NALF1: variants seen among roughly 807,000 people sequenced by gnomAD.
The protein encoded by NALF1 is NALCN channel auxiliary factor 1, also known as family with sequence similarity 155 member A.
NALF1 carries 3 observed loss-of-function variants against 48.4 expected under a neutral mutation model. The ratio of observed to expected loss-of-function variants is 0.06; its 90% CI spans 0.03 to 0.16. NALF1 has a LOEUF of 0.16. Among genes scored for constraint, NALF1 ranks in the 10% least tolerant of loss-of-function variants. The pLI, the probability that NALF1 is intolerant of heterozygous loss-of-function variation, is 1.00. For missense variants in NALF1, 526 were observed against 571.5 expected (o/e 0.92, Z 0.81); for synonymous variants, 262 against 245.7 (o/e 1.07, Z -0.62).
chr13:107,820,216 G>T (rs1443754973), intron 1 of NALF1, among the ~76,000 whole-genome samples: 1 of 152,172 alleles, frequency 6.6e-6, no homozygotes, highest in Non-Finnish European at 1.5e-5. Flanking sequence ...TCTGCATAAG[G>T]TAAGAGATCA....
At chr13:107,711,208 C>A (rs902614702) in intron 1 of NALF1, among the ~76,000 whole-genome samples, 1 of 152,156 alleles carries the variant, frequency 6.6e-6, no homozygotes, top group African/African-American at 2.4e-5. Flanking sequence ...TCTTTCATGT[C>A]ACAGTGTTAC....
chr13:107,429,004 A>T (rs1410636999), intron 1 of NALF1, among the ~76,000 whole-genome samples: 1 of 152,180 alleles, frequency 6.6e-6, no homozygotes, highest in Admixed American at 6.5e-5. Flanking sequence ...AAATGCTTGC[A>T]GTCTGGATTA....
intron 1 of NALF1, among the ~76,000 whole-genome samples, chr13:107,733,651 C>T (rs758513081): frequency 1.7e-4 from 26 of 152,038 alleles, no homozygotes; most frequent in Non-Finnish European, 3.4e-4. Context: ...TTATTCATTT[C>T]TAATCTACAT....
chr13:107,377,715 C>G (rs1883362077), intron 1 of NALF1, among the ~76,000 whole-genome samples: 1 of 152,184 alleles, frequency 6.6e-6, no homozygotes. Flanking sequence ...AGGGCCTTCT[C>G]CCTGATTCAT....
At chr13:107,186,714 C>T (rs1305413488) in intron 2 of NALF1, among the ~76,000 whole-genome samples, 1 of 152,174 alleles carries the variant, frequency 6.6e-6, no homozygotes, top group Non-Finnish European at 1.5e-5. Context: ...CTGCTTTTAG[C>T]ATCACAATCT....
chr13:107,674,994 T>C lies in NALF1; in HGVS notation c.915+190688A>G, dbSNP rs545909564. Among the ~76,000 whole-genome samples the C allele has an allele frequency of 5.9e-5, 9 of 152,206 alleles. No homozygotes were observed. In the East Asian group the frequency reaches 1.5e-3, roughly 26 times the overall value. On this transcript the variant is annotated intron_variant, in intron 1 of 2. Coordinates refer to ENST00000375915, the MANE Select transcript of NALF1 (RefSeq NM_001080396.3). ...AAGTAGGTAGATGAGGATGTTGTGATAGGATTTGTTACAAAGTGAGGACGA... is the reference window on the plus strand; with the variant it reads ...AAGTAGGTAGATGAGGATGTTGTGACAGGATTTGTTACAAAGTGAGGACGA...
At chr13:107,722,937 C>A in intron 1 of NALF1, among the ~76,000 whole-genome samples, 1 of 152,190 alleles carries the variant, frequency 6.6e-6, no homozygotes, top group East Asian at 1.9e-4. Context: ...AGGCCCTAAA[C>A]AGAAGCTATC....
At position 107,320,476 on chromosome 13, in the gene NALF1, A is replaced by G. The variant is rs185164989; in HGVS notation, c.916-109721T>C. Among the ~76,000 whole-genome samples the G allele has an allele frequency of 2.0e-3, 307 of 152,074 alleles. 1 individual carries two copies. Among genetic ancestry groups the G allele is most frequent in the African/African-American group, 6.8e-3 (282 of 41,492 alleles). ...CTCATTTTCTTACTTCCTCACATCA[A>G]CTCCTTAGTTGCAGAGAATGAGGTC... On this transcript the variant is annotated intron_variant, in intron 1 of 2. Coordinates refer to ENST00000375915, the MANE Select transcript of NALF1 (RefSeq NM_001080396.3).
intron 1 of NALF1, among the ~76,000 whole-genome samples, chr13:107,813,477 G>A (rs896957974): frequency 1.3e-5 from 2 of 152,004 alleles, no homozygotes; most frequent in Non-Finnish European, 2.9e-5. Context: ...AACTTGTTTT[G>A]TTTATTTGTG....
intron 1 of NALF1, among the ~76,000 whole-genome samples, chr13:107,541,990 C>G (rs1201303717): frequency 2.0e-5 from 3 of 151,976 alleles, no homozygotes; most frequent in African/African-American, 7.2e-5. Flanking sequence ...CTCTGTGGAG[C>G]CCTAGCTTGC....
intron 1 of NALF1, among the ~76,000 whole-genome samples, chr13:107,734,764 C>T (rs953193106): frequency 2.6e-5 from 4 of 152,006 alleles, no homozygotes; most frequent in African/African-American, 9.7e-5. Context: ...ACATAATGGG[C>T]TCCCATTAAT....
intron 1 of NALF1, among the ~76,000 whole-genome samples, chr13:107,380,964 C>T (rs1174635813): frequency 2.1e-5 from 3 of 143,046 alleles, no homozygotes; most frequent in African/African-American, 7.8e-5. Flanking sequence ...TGCCACAGAG[C>T]CAGACACGGT....
chr13:107,648,416 G>A (rs1220399289), intron 1 of NALF1, among the ~76,000 whole-genome samples: 2 of 152,074 alleles, frequency 1.3e-5, no homozygotes, highest in Non-Finnish European at 2.9e-5. Context: ...AGAAAGTCAG[G>A]TAGTTGTAAT....
chr13:107,517,465 C>CA (rs929840753), intron 1 of NALF1, among the ~76,000 whole-genome samples: 30 of 150,908 alleles, frequency 2.0e-4, no homozygotes, highest in East Asian at 1.6e-3. Flanking sequence ...CCCGTCTCTG[C>CA]AAAAAAAATA....
intron 1 of NALF1, among the ~76,000 whole-genome samples, chr13:107,845,843 C>T (rs1880157590): frequency 1.3e-5 from 2 of 152,014 alleles, no homozygotes; most frequent in South Asian, 4.1e-4. Flanking sequence ...CAAAAGAATG[C>T]CACTACTAAA....
intron 1 of NALF1, among the ~76,000 whole-genome samples, chr13:107,736,057 T>G (rs75545208): frequency 2.6e-5 from 4 of 152,106 alleles, no homozygotes; most frequent in Non-Finnish European, 1.5e-5. Flanking sequence ...GCTAAACCAA[T>G]AGACATGCGC....
At chr13:107,245,017 C>A (rs1006250381) in intron 1 of NALF1, among the ~76,000 whole-genome samples, 1 of 152,086 alleles carries the variant, frequency 6.6e-6, no homozygotes, top group Non-Finnish European at 1.5e-5. Flanking sequence ...TTCAATTTAA[C>A]ACTAACTTTA....
intron 1 of NALF1, among the ~76,000 whole-genome samples, chr13:107,533,423 T>G (rs1023291220): frequency 1.3e-5 from 2 of 152,068 alleles, no homozygotes; most frequent in Non-Finnish European, 2.9e-5. Flanking sequence ...AAAAGGGCTT[T>G]CAGGTCTCTG....
In NALF1 at chr13:107,607,839, A is replaced by G. The variant is rs530562951; in HGVS notation, c.915+257843T>C. Among the ~76,000 whole-genome samples the G allele has an allele frequency of 3.9e-5, 6 of 152,336 alleles. No homozygotes were observed. The East Asian group carries it at 9.7e-4, about 25-fold the overall frequency. On this transcript the variant is annotated intron_variant, in intron 1 of 2. Transcript: ENST00000375915. ...AGGGCTTCATGAGAATTTGATGGGC[A>G]GCATTTGTAAAGCAGGGAAAACCAC...
Sources: allele counts gnomAD v4.1 joint callset (sites outside exome capture counted in the v4.1 genomes callset), GRCh38; gene constraint gnomAD v4.1.1; transcripts MANE v1.5; gene names NCBI Gene and HGNC (gene_info 2026-07-23, HGNC 2026-07-21).